Variants in ANO2 observed in about 807,000 individuals in gnomAD.
The protein encoded by ANO2 is anoctamin-2.
A neutral mutation model predicts 124.2 loss-of-function variants in ANO2; 101 were observed. The observed-to-expected ratio is 0.81, with a 90% confidence interval of 0.69 to 0.96. The LOEUF is 0.96. Among genes scored for constraint, ANO2 ranks in the 40% least tolerant of loss-of-function variants. The probability of loss-of-function intolerance (pLI) is 0.00; values close to 1 mark genes in which losing one functional copy is unlikely to be tolerated. For missense variants in ANO2, 1,293 were observed against 1,274.5 expected, an observed-to-expected ratio of 1.01 and a Z score of -0.22; for synonymous variants, 486 against 482.5, an observed-to-expected ratio of 1.01 and a Z score of -0.09.
At chr12:5,903,675 G>GTGTGTA (rs1555181066) in intron 3 of ANO2, among the ~76,000 whole-genome samples, 12 of 151,060 alleles carry the variant, frequency 7.9e-5, no homozygotes, top group Admixed American at 2.6e-4. Flanking sequence ...GTGTGTGTGT[G>GTGTGTA]TGGGTGTAGA....
chr12:5,939,303 A>G (rs570535109), intron 1 of ANO2, among the ~76,000 whole-genome samples: 1 of 152,034 alleles, frequency 6.6e-6, no homozygotes, highest in African/African-American at 2.4e-5. Context: ...ACCACAAAGC[A>G]CAGAAGAGAT....
At chr12:5,893,651 C>T (rs981526765) in intron 3 of ANO2, among the ~76,000 whole-genome samples, 2 of 151,908 alleles carry the variant, frequency 1.3e-5, no homozygotes, top group African/African-American at 4.8e-5. Flanking sequence ...GCCCCCCACC[C>T]CACAACAGGC....
At chr12:5,945,508 G>C (rs1943068301), upstream of ANO2, among the ~76,000 whole-genome samples, 1 of 152,254 alleles carries the variant, frequency 6.6e-6, no homozygotes, top group Admixed American at 6.5e-5. Flanking sequence ...GCTGAGGGGC[G>C]AGACAGTAAA....
At chr12:5,724,801 T>A (rs1331668517) in intron 14 of ANO2, among the ~76,000 whole-genome samples, 1 of 152,066 alleles carries the variant, frequency 6.6e-6, no homozygotes, top group Non-Finnish European at 1.5e-5. Flanking sequence ...TAGGTAGGGA[T>A]GGGGGCCCCG....
At chr12:5,614,135 G>T (rs1004457438) in intron 17 of ANO2, among the ~76,000 whole-genome samples, 1 of 152,204 alleles carries the variant, frequency 6.6e-6, no homozygotes, top group Non-Finnish European at 1.5e-5. Flanking sequence ...TTCCTTGTAA[G>T]TAGCCAACTG....
intron 14 of ANO2, among the ~76,000 whole-genome samples, chr12:5,714,857 A>G (rs558424525): frequency 5.3e-5 from 8 of 152,224 alleles, no homozygotes; most frequent in African/African-American, 2.4e-5. Context: ...CATAAAACAC[A>G]TTCCAAATTC....
intron 10 of ANO2, among the ~76,000 whole-genome samples, chr12:5,790,234 G>A (rs944646448): frequency 2.6e-5 from 4 of 152,194 alleles, no homozygotes; most frequent in African/African-American, 9.6e-5. Flanking sequence ...GGAGAGATGA[G>A]AGAAGAACTG....
At chr12:5,758,407 C>G (rs1951643505) in intron 10 of ANO2, among the ~76,000 whole-genome samples, 1 of 152,140 alleles carries the variant, frequency 6.6e-6, no homozygotes, top group Non-Finnish European at 1.5e-5. Context: ...GGCATGAGAA[C>G]AAAACTGCCC....
At chr12:5,780,683 A>AG (rs35841317) in intron 10 of ANO2, among the ~76,000 whole-genome samples, 2 of 152,312 alleles carry the variant, frequency 1.3e-5, no homozygotes, top group African/African-American at 4.8e-5. Context: ...ACGTGGCCGC[A>AG]GGAGGATCCT....
chr12:5,748,474 A>T (rs983751447), intron 11 of ANO2, among the ~76,000 whole-genome samples: 1 of 152,196 alleles, frequency 6.6e-6, no homozygotes, highest in African/African-American at 2.4e-5. Context: ...TTATTAGAAA[A>T]AGCAAAGACT....
intron 3 of ANO2, chr12:5,870,379 A>G (rs1955541470): frequency 1.3e-5 from 2 of 152,270 alleles, no homozygotes; most frequent in South Asian, 2.1e-4. Flanking sequence ...GCCACTTCTC[A>G]TCTTTGGCAC....
chr12:5,665,581 C>G (rs1947660690), intron 14 of ANO2, among the ~76,000 whole-genome samples: 1 of 152,164 alleles, frequency 6.6e-6, no homozygotes, highest in Non-Finnish European at 1.5e-5. Context: ...GAAAGAGAAA[C>G]TGCTTCTCCC....
intron 22 of ANO2, among the ~76,000 whole-genome samples, 175 bp downstream of exon 22, chr12:5,577,780 C>T (rs572199113): frequency 2.4e-4 from 36 of 152,308 alleles, no homozygotes; most frequent in African/African-American, 8.2e-4. Context: ...ACAGCCTCAG[C>T]GACAGCATGA....
chr12:5,780,422 C>T (rs1331606546), intron 10 of ANO2, among the ~76,000 whole-genome samples: 1 of 152,158 alleles, frequency 6.6e-6, no homozygotes, highest in Non-Finnish European at 1.5e-5. Flanking sequence ...AACAGTATCT[C>T]TTTATTTTTT....
chr12:5,765,338 T>C (rs1174025467), intron 10 of ANO2, among the ~76,000 whole-genome samples: 1 of 152,184 alleles, frequency 6.6e-6, no homozygotes, highest in Non-Finnish European at 1.5e-5. Flanking sequence ...CCGGGGTGAC[T>C]TGTGGGAAAA....
intron 14 of ANO2, among the ~76,000 whole-genome samples, chr12:5,729,307 T>G (rs563852307): frequency 2.6e-5 from 4 of 152,274 alleles, no homozygotes; most frequent in East Asian, 3.9e-4. Flanking sequence ...TCTTACAACC[T>G]GATAACCAAA....
At chr12:5,899,446 T>A (rs571587234) in intron 3 of ANO2, among the ~76,000 whole-genome samples, 1 of 152,200 alleles carries the variant, frequency 6.6e-6, no homozygotes, top group African/African-American at 2.4e-5. Context: ...TCCTGTGTCA[T>A]GCAAAGTCAC....
intron 10 of ANO2, among the ~76,000 whole-genome samples, chr12:5,770,210 G>A (rs1952033675): frequency 6.6e-6 from 1 of 151,988 alleles, no homozygotes; most frequent in Non-Finnish European, 1.5e-5. Flanking sequence ...CCCTAAAATA[G>A]CCAAGAAACC....
chr12:5,631,535 T>C (rs1945718904), intron 16 of ANO2, among the ~76,000 whole-genome samples: 1 of 152,230 alleles, frequency 6.6e-6, no homozygotes, highest in African/African-American at 2.4e-5. Flanking sequence ...CTTTGCTGTG[T>C]TTCCAGAACT....
Sources: allele counts gnomAD v4.1 joint callset (sites outside exome capture counted in the v4.1 genomes callset), GRCh38; gene constraint gnomAD v4.1.1; transcripts MANE v1.5; gene names NCBI Gene and HGNC (gene_info 2026-07-23, HGNC 2026-07-21).